The following HGSNAT variants were observed in gnomAD, a reference collection of about 807,000 sequenced individuals.
The protein encoded by HGSNAT is transmembrane protein 76.
A neutral mutation model predicts 85.2 loss-of-function variants in HGSNAT; 59 were observed. That is an observed-to-expected ratio of 0.69 (90% CI 0.56 to 0.86). The LOEUF (loss-of-function observed/expected upper bound fraction) is 0.86, where lower values mean the gene tolerates loss of function less well. HGSNAT is among the 40% of genes least tolerant of loss of function. HGSNAT has a pLI of 0.00. For missense variants in HGSNAT, 756 were observed against 777.1 expected, an observed-to-expected ratio of 0.97 and a Z score of 0.32; for synonymous variants, 321 against 304.5, an observed-to-expected ratio of 1.05 and a Z score of -0.56.
intron 5 of HGSNAT, among the ~76,000 whole-genome samples, chr8:43,167,548 G>A (rs1439803164): frequency 6.6e-6 from 1 of 152,210 alleles, no homozygotes; most frequent in Middle Eastern, 3.4e-3. Context: ...TGTGCATAAT[G>A]GTATTGCACA....
intron 12 of HGSNAT, among the ~76,000 whole-genome samples, chr8:43,191,928 T>G (rs564053832): frequency 1.7e-4 from 24 of 143,532 alleles, no homozygotes; most frequent in African/African-American, 6.0e-4. Context: ...ATAAACCATG[T>G]TTTTTTTTTC....
Position 43,161,475 on chromosome 8 carries a change from C to G in HGSNAT, c.531C>G (p.Ile177Met). 1 of 1,611,100 alleles carries G rather than the reference C, an allele frequency of 6.2e-7. No homozygotes were observed. The highest frequency in any genetic ancestry group is 8.5e-7 in the Non-Finnish European group (1 of 1,178,488). ...SIAFLIGLAV[I>M]IVISFLRLLL... ...CATTCCTTATTGGTCTTGCTGTCAT[C>G]ATTGTGATATCCTTTCTGAGGCTCT... The change falls in exon 5 of 18, where the codon ATC (isoleucine) becomes ATG (methionine). Residue 177 changes from isoleucine to methionine, a missense_variant. Ile to Met is a conservative substitution (Grantham distance 10). Coordinates refer to ENST00000379644, the MANE Select transcript of HGSNAT (RefSeq NM_152419.3).
At chr8:43,160,051 A>G (rs1317460073) in intron 4 of HGSNAT, among the ~76,000 whole-genome samples, 1 of 152,230 alleles carries the variant, frequency 6.6e-6, no homozygotes, top group African/African-American at 2.4e-5. Flanking sequence ...TAATGAATGT[A>G]TAAAAACCAT....
intron 5 of HGSNAT, 52 bp from the exon 6 acceptor site, chr8:43,169,120 TA>T: frequency 1.9e-6 from 2 of 1,077,314 alleles, no homozygotes; most frequent in Admixed American, 2.7e-5. Context: ...TCCAATCATT[TA>T]AAAAATTCTG....
chr8:43,143,568 C>T (rs1296292256), intron 1 of HGSNAT, among the ~76,000 whole-genome samples: 4 of 150,556 alleles, frequency 2.7e-5, no homozygotes, highest in East Asian at 2.0e-4. Flanking sequence ...GACAGAGTCT[C>T]GCTCTGTCGC....
chr8:43,160,030 T>G (rs1803222053), intron 4 of HGSNAT, among the ~76,000 whole-genome samples: 2 of 152,000 alleles, frequency 1.3e-5, no homozygotes, highest in African/African-American at 4.8e-5. Flanking sequence ...ATATATGTAG[T>G]GGAAGAAAAA....
intron 10 of HGSNAT, among the ~76,000 whole-genome samples, chr8:43,179,243 A>G (rs1299756552): frequency 3.9e-5 from 5 of 128,942 alleles, no homozygotes; most frequent in Admixed American, 3.2e-4. Context: ...GCGGGGGCTG[A>G]CCCCCCCACC....
rs142422330 is a variant in HGSNAT, at chr8:43,200,706, C to T, written c.*1137C>T. On this transcript the variant is annotated 3_prime_UTR_variant, in exon 18 of 18. Coordinates refer to ENST00000379644, the MANE Select transcript of HGSNAT (RefSeq NM_152419.3). Reference sequence around the variant, plus strand: ...CGGCATTGTTCATGGGAGGCATCGTCACCCTCCTGGGTGTTCTGTGGGAAT... The same window carrying T: ...CGGCATTGTTCATGGGAGGCATCGTTACCCTCCTGGGTGTTCTGTGGGAAT... The T allele has an allele frequency of 6.6e-5, 10 of 152,482 alleles. No individual in the cohort carries two copies. The East Asian group carries it at 1.5e-3, about 24-fold the overall frequency. 9.4% of individuals were successfully genotyped at this position (152,482 alleles called of 1,614,324 possible).
At chr8:43,150,866 T>TAAATAAATA (rs1345243473) in intron 2 of HGSNAT, among the ~76,000 whole-genome samples, 37 of 137,476 alleles carry the variant, frequency 2.7e-4, no homozygotes, top group African/African-American at 9.2e-4. Flanking sequence ...AATAAATAAA[T>TAAATAAATA]AAAATAAAAT....
chr8:43,178,107 AT>A lies in HGSNAT; in HGVS notation c.886del (p.Ser296ArgfsTer2). ...TTATTATGGGATCTTCCATTTTTCT[AT>A]CGATGACTTCTATACTGCAACGGGG... ...VFIMGSSIFL[S>X]MTSILQRGCS... On this transcript the variant is annotated frameshift_variant, in exon 10 of 18. Coordinates refer to ENST00000379644, the MANE Select transcript of HGSNAT (RefSeq NM_152419.3). LOFTEE classifies it high-confidence loss of function. 1 of 1,612,976 alleles carries A rather than the reference AT, an allele frequency of 6.2e-7. No individual in the cohort carries two copies. The highest frequency in any genetic ancestry group is 8.5e-7 in the Non-Finnish European group (1 of 1,179,498).
At chr8:43,162,593 C>G (rs1388738240) in intron 5 of HGSNAT, among the ~76,000 whole-genome samples, 3 of 150,812 alleles carry the variant, frequency 2.0e-5, no homozygotes, top group African/African-American at 7.3e-5. Flanking sequence ...CTCTTGTCAT[C>G]CAGGCTGGAG....
At chr8:43,166,124 C>G (rs1056202538) in intron 5 of HGSNAT, among the ~76,000 whole-genome samples, 1 of 152,094 alleles carries the variant, frequency 6.6e-6, no homozygotes, top group Non-Finnish European at 1.5e-5. Context: ...AAGTTGGAAA[C>G]TAGCAGAGGT....
chr8:43,165,824 T>C (rs552031942), intron 5 of HGSNAT, among the ~76,000 whole-genome samples: 29 of 152,260 alleles, frequency 1.9e-4, no homozygotes, highest in African/African-American at 6.0e-4. Context: ...TAATCCCAGC[T>C]ACTCTGGAGC....
intron 1 of HGSNAT, 71 bp downstream of exon 1, chr8:43,140,685 T>A: frequency 1.4e-6 from 1 of 711,912 alleles, no homozygotes; most frequent in Admixed American, 5.3e-5. Context: ...GCGCCGCCCC[T>A]ATCTCCGTGC....
intron 4 of HGSNAT, among the ~76,000 whole-genome samples, chr8:43,160,433 G>A (rs188134266): frequency 5.9e-4 from 90 of 152,304 alleles, no homozygotes; most frequent in Admixed American, 1.1e-3. Flanking sequence ...TGGGGCAACC[G>A]CAACAGGTAC....
rs1456475864 is a variant in HGSNAT at position 43,200,530 on chromosome 8, A to G, written c.*961A>G. 6.6e-6 allele frequency: 1 copy of G among 152,268 alleles called. No individual in the cohort carries two copies. Among genetic ancestry groups the G allele is most frequent in the Non-Finnish European group, 1.5e-5 (1 of 68,052 alleles). The allele number at this position is 152,268 out of a possible 1,614,324, so 9.4% of individuals were successfully genotyped here. On this transcript the variant is annotated 3_prime_UTR_variant, in exon 18 of 18. Coordinates refer to ENST00000379644, the MANE Select transcript of HGSNAT (RefSeq NM_152419.3). Reference sequence around the variant, plus strand: ...CATTACAGAAAACTCTTCAAAATAAATAGTAGTGAAAACTTTTAAAAACTC... The same window carrying G: ...CATTACAGAAAACTCTTCAAAATAAGTAGTAGTGAAAACTTTTAAAAACTC...
intron 2 of HGSNAT, among the ~76,000 whole-genome samples, chr8:43,158,017 CTT>C (rs1413751028): frequency 6.6e-6 from 1 of 152,098 alleles, no homozygotes; most frequent in Non-Finnish European, 1.5e-5. Flanking sequence ...TAATGCAAGA[CTT>C]AATGTATGTT....
Position 43,184,254 on chromosome 8 carries a change from A to G in HGSNAT, c.1128+1994A>G, listed in dbSNP as rs561360757. ...TGAACTAGTTTACGGTCCCACCAACAGTGTAAAAGTGTTCCTATTTCTCCA... is the reference window on the plus strand; with the variant it reads ...TGAACTAGTTTACGGTCCCACCAACGGTGTAAAAGTGTTCCTATTTCTCCA... On this transcript the variant is annotated intron_variant, in intron 11 of 17. Coordinates refer to ENST00000379644, the MANE Select transcript of HGSNAT (RefSeq NM_152419.3). 2.3e-3 allele frequency among the ~76,000 whole-genome samples: 345 copies of G among 152,318 alleles called. 4 individuals are homozygous for G. The highest frequency in any genetic ancestry group is 7.9e-3 in the African/African-American group (327 of 41,570).
intron 6 of HGSNAT, among the ~76,000 whole-genome samples, chr8:43,169,811 ATTG>A (rs780778721): frequency 1.3e-5 from 2 of 152,162 alleles, no homozygotes; most frequent in Non-Finnish European, 2.9e-5. Flanking sequence ...AAATCCAAGT[ATTG>A]TTTAGAAAAA....
Sources: allele counts gnomAD v4.1 joint callset (sites outside exome capture counted in the v4.1 genomes callset), GRCh38; gene constraint gnomAD v4.1.1; transcripts MANE v1.5; gene names NCBI Gene and HGNC (gene_info 2026-07-23, HGNC 2026-07-21).